The following NR3C2 variants were observed in gnomAD, a reference collection of about 807,000 sequenced individuals.
NR3C2 encodes the protein mineralocorticoid receptor.
NR3C2 carries 15 observed loss-of-function variants against 86.4 expected under a neutral mutation model. The ratio of observed to expected loss-of-function variants is 0.17; its 90% CI spans 0.12 to 0.27. The LOEUF is 0.27. Ranked by LOEUF, NR3C2 falls within the 10% of genes least tolerant of loss-of-function variation. The pLI is 1.00. For synonymous variants in NR3C2, 458 were observed against 450.5 expected (o/e 1.02, Z -0.21); for missense variants, 960 against 1,195.6 (o/e 0.80, Z 2.91).
At chr4:148,374,538 G>T (rs2126404917) in intron 2 of NR3C2, among the ~76,000 whole-genome samples, 1 of 152,180 alleles carries the variant, frequency 6.6e-6, no homozygotes, top group Non-Finnish European at 1.5e-5. Flanking sequence ...AACTGTACAT[G>T]AAAATTCTAG....
chr4:148,395,101 A>G (rs1464240132), intron 2 of NR3C2, among the ~76,000 whole-genome samples: 3 of 151,354 alleles, frequency 2.0e-5, no homozygotes, highest in South Asian at 2.1e-4. Flanking sequence ...GTAACAGTAG[A>G]AAAAAAAATA....
At position 148,435,731 on chromosome 4, in the gene NR3C2, G is replaced by A. The variant is rs755279559; in HGVS notation, c.1130C>T (p.Thr377Ile). 1 of 1,614,026 alleles carries A rather than the reference G, an allele frequency of 6.2e-7. No homozygotes were observed. Among genetic ancestry groups the A allele is most frequent in the African/African-American group, 1.3e-5 (1 of 74,918 alleles). ...KGAQEVPFPK[T>I]EEVESAISNG... ...TGAGATGGCACTCTCTACTTCCTCA[G>A]TCTTAGGAAAAGGGACCTCTTGAGC... The change falls in exon 2 of 9, where the codon ACT becomes ATT. Residue 377 changes from threonine to isoleucine, a missense_variant. By Grantham distance (89) the Thr-to-Ile change is moderately conservative. Transcript: ENST00000358102.
Position 148,138,140 on chromosome 4 carries a change from A to G in NR3C2, c.2510+14329T>C, listed in dbSNP as rs190392411. Among the ~76,000 whole-genome samples, 590 of 152,312 alleles carry G rather than the reference A, an allele frequency of 3.9e-3. 5 individuals are homozygous for G. Among genetic ancestry groups the G allele is most frequent in the African/African-American group, 0.014 (569 of 41,582 alleles). ...TGTTTACAAACTGCTGGTCTGGGCTAATTCCCTCATTCTGTAGAAGGGAAT... is the reference window on the plus strand; with the variant it reads ...TGTTTACAAACTGCTGGTCTGGGCTGATTCCCTCATTCTGTAGAAGGGAAT... On this transcript the variant is annotated intron_variant, in intron 6 of 8. Coordinates refer to ENST00000358102, the MANE Select transcript of NR3C2 (RefSeq NM_000901.5).
In NR3C2 at chr4:148,116,473, CAA is replaced by C. The variant is rs532633689; in HGVS notation, c.2642-2214_2642-2213del. Reference sequence around the variant, plus strand: ...AAATCATCCAAAATCTGGAGAAGAGCAAAGAGACAACTGGGGTAGAAGTCTGT... The same window carrying C: ...AAATCATCCAAAATCTGGAGAAGAGCAGAGACAACTGGGGTAGAAGTCTGT... On this transcript the variant is annotated intron_variant, in intron 7 of 8. Coordinates refer to ENST00000358102, the MANE Select transcript of NR3C2 (RefSeq NM_000901.5). Among the ~76,000 whole-genome samples the C allele has an allele frequency of 4.6e-4, 70 of 152,158 alleles. 1 individual carries two copies. The highest frequency in any genetic ancestry group is 4.0e-4 in the Non-Finnish European group (27 of 68,028).
chr4:148,176,121 A>T (rs1398420190), intron 4 of NR3C2, among the ~76,000 whole-genome samples: 1 of 152,264 alleles, frequency 6.6e-6, no homozygotes, highest in East Asian at 1.9e-4. Flanking sequence ...AGGGAGATGA[A>T]AGAAAGTCAG....
At chr4:148,384,893 A>G (rs551268254) in intron 2 of NR3C2, among the ~76,000 whole-genome samples, 84 of 152,368 alleles carry the variant, frequency 5.5e-4, no homozygotes, top group African/African-American at 1.9e-3. Flanking sequence ...CAAAGGCTAC[A>G]TAACTAGGCC....
At chr4:148,383,291 AG>A (rs1452171167) in intron 2 of NR3C2, among the ~76,000 whole-genome samples, 2 of 152,152 alleles carry the variant, frequency 1.3e-5, no homozygotes, top group African/African-American at 4.8e-5. Flanking sequence ...AGAAGAAATA[AG>A]TCTACAGTAT....
chr4:148,439,158 T>C (rs1442633139), intron 1 of NR3C2, among the ~76,000 whole-genome samples: 1 of 152,204 alleles, frequency 6.6e-6, no homozygotes, highest in African/African-American at 2.4e-5. Context: ...GACTGGCCTT[T>C]TATGCTTTAC....
chr4:148,283,023 A>G (rs1466029810), intron 2 of NR3C2, among the ~76,000 whole-genome samples: 1 of 152,190 alleles, frequency 6.6e-6, no homozygotes, highest in East Asian at 1.9e-4. Flanking sequence ...GAGGGGGAAA[A>G]ATCACATACA....
At chr4:148,336,110 A>G (rs897756162) in intron 2 of NR3C2, among the ~76,000 whole-genome samples, 3 of 152,114 alleles carry the variant, frequency 2.0e-5, no homozygotes, top group Non-Finnish European at 4.4e-5. Context: ...GCCGTCCCTC[A>G]CAGACAACCT....
At chr4:148,268,864 G>A (rs1165169796) in intron 2 of NR3C2, among the ~76,000 whole-genome samples, 2 of 152,174 alleles carry the variant, frequency 1.3e-5, no homozygotes. Flanking sequence ...AATCTACGAC[G>A]TTAAAGGATA....
intron 2 of NR3C2, among the ~76,000 whole-genome samples, chr4:148,366,180 G>C (rs527966677): frequency 1.8e-4 from 28 of 151,668 alleles, no homozygotes; most frequent in African/African-American, 6.1e-4. Context: ...ATTTACTTTG[G>C]TTTCCAAATC....
intron 2 of NR3C2, among the ~76,000 whole-genome samples, chr4:148,361,681 T>C (rs1020010577): frequency 6.6e-6 from 1 of 152,228 alleles, no homozygotes; most frequent in Non-Finnish European, 1.5e-5. Flanking sequence ...GATCCGGGAC[T>C]ATCACAGAGT....
intron 3 of NR3C2, among the ~76,000 whole-genome samples, chr4:148,245,579 C>T (rs1354364729): frequency 6.6e-6 from 1 of 152,088 alleles, no homozygotes; most frequent in Non-Finnish European, 1.5e-5. Flanking sequence ...TTAATAAATG[C>T]TAACTGATGA....
At position 148,176,646 on chromosome 4, in the gene NR3C2, G is replaced by A. The variant is rs569658188; in HGVS notation, c.2014+18100C>T. Among the ~76,000 whole-genome samples, 274 of 152,290 alleles carry A rather than the reference G, an allele frequency of 1.8e-3. 1 individual carries two copies. Among genetic ancestry groups the A allele is most frequent in the African/African-American group, 6.3e-3 (263 of 41,550 alleles). On this transcript the variant is annotated intron_variant, in intron 4 of 8. Coordinates refer to ENST00000358102, the MANE Select transcript of NR3C2 (RefSeq NM_000901.5). ...TTTGAGTCTCTTTGCTAAATTTCCAGTGCTTATCAGATCTATAATAAATTT... is the reference window on the plus strand; with the variant it reads ...TTTGAGTCTCTTTGCTAAATTTCCAATGCTTATCAGATCTATAATAAATTT...
chr4:148,170,278 TAAAGC>T (rs1735063368), intron 4 of NR3C2, among the ~76,000 whole-genome samples: 1 of 152,148 alleles, frequency 6.6e-6, no homozygotes, highest in South Asian at 2.1e-4. Flanking sequence ...AGGAAGTTGT[TAAAGC>T]AAGAATAGTG....
At chr4:148,225,518 A>G (rs1467989887) in intron 3 of NR3C2, among the ~76,000 whole-genome samples, 1 of 152,066 alleles carries the variant, frequency 6.6e-6, no homozygotes, top group Non-Finnish European at 1.5e-5. Context: ...TAGGAGTTTA[A>G]TTTTTTCTTT....
Position 148,137,138 on chromosome 4 carries a change from A to G in NR3C2, c.2510+15331T>C, listed in dbSNP as rs139429877. 2.6e-3 allele frequency among the ~76,000 whole-genome samples: 394 copies of G among 152,314 alleles called. 1 individual carries two copies. Among genetic ancestry groups the G allele is most frequent in the African/African-American group, 8.8e-3 (366 of 41,590 alleles). ...ATTCTAACCACACATTCTCAAAGCT[A>G]TGAGAATAAGTTATCTCACTGGTAT... On this transcript the variant is annotated intron_variant, in intron 6 of 8. Coordinates refer to ENST00000358102, the MANE Select transcript of NR3C2 (RefSeq NM_000901.5).
At chr4:148,260,217 C>A (rs1740027980) in intron 2 of NR3C2, 100 bp from the exon 3 acceptor site, 1 of 1,468,180 alleles carries the variant, frequency 6.8e-7, no homozygotes. Context: ...TGGTTCGATA[C>A]AAGAATTCAG....
Sources: allele counts gnomAD v4.1 joint callset (sites outside exome capture counted in the v4.1 genomes callset), GRCh38; gene constraint gnomAD v4.1.1; transcripts MANE v1.5; gene names NCBI Gene and HGNC (gene_info 2026-07-23, HGNC 2026-07-21).